The following FHIT variants were observed in gnomAD, a reference collection of about 807,000 sequenced individuals.
FHIT encodes fragile histidine triad diadenosine triphosphatase.
Under a neutral mutation model 17.9 loss-of-function variants are expected in FHIT, and 19 were observed. The ratio of observed to expected loss-of-function variants is 1.06; its 90% CI spans 0.74 to 1.56. FHIT has a LOEUF of 1.56. Ranked by LOEUF, FHIT falls within the 40% of genes most tolerant of loss-of-function variation. The pLI, the probability that FHIT is intolerant of heterozygous loss-of-function variation, is 0.00. For missense variants in FHIT, 248 were observed against 189.2 expected (o/e 1.31, Z -1.82); for synonymous variants, 81 against 69.7 (o/e 1.16, Z -0.81).
At chr3:61,220,744 T>C (rs1417049353) in intron 1 of FHIT, among the ~76,000 whole-genome samples, 1 of 152,220 alleles carries the variant, frequency 6.6e-6, no homozygotes, top group Non-Finnish European at 1.5e-5. Context: ...GTTTTCACTA[T>C]TACTAGGAAT....
rs569884037 is a variant in FHIT at position 60,904,439 on chromosome 3, A to G, written c.-110-82428T>C. Among the ~76,000 whole-genome samples the G allele has an allele frequency of 7.2e-5, 11 of 151,794 alleles. No individual in the cohort carries two copies. The East Asian group carries it at 2.1e-3, about 29-fold the overall frequency. On this transcript the variant is annotated intron_variant, in intron 3 of 9. Transcript: ENST00000492590. ...CATGAGAGAATTTCTGTACAACTAG[A>G]TGTGGGGAAAGCCTTTCTAACTATA...
chr3:60,831,439 T>A (rs1428839394), intron 3 of FHIT, among the ~76,000 whole-genome samples: 1 of 152,164 alleles, frequency 6.6e-6, no homozygotes, highest in Non-Finnish European at 1.5e-5. Context: ...GAAAATGTTC[T>A]TCTAAAATCT....
At chr3:60,943,406 T>C (rs1708502939) in intron 3 of FHIT, among the ~76,000 whole-genome samples, 1 of 152,176 alleles carries the variant, frequency 6.6e-6, no homozygotes, top group Middle Eastern at 3.2e-3. Flanking sequence ...TTTTGTCCGA[T>C]ATTAATAGTG....
At chr3:60,491,348 T>C (rs545625929) in intron 5 of FHIT, among the ~76,000 whole-genome samples, 1 of 151,812 alleles carries the variant, frequency 6.6e-6, no homozygotes, top group South Asian at 2.1e-4. Context: ...ATAATAGAAA[T>C]GCTGACACAA....
intron 8 of FHIT, among the ~76,000 whole-genome samples, chr3:59,847,900 T>C (rs1301714814): frequency 6.6e-6 from 1 of 152,166 alleles, no homozygotes; most frequent in Non-Finnish European, 1.5e-5. Context: ...TTGAATGTCC[T>C]AGTTTTCAAT....
chr3:60,109,621 T>G, intron 5 of FHIT, among the ~76,000 whole-genome samples: 1 of 152,000 alleles, frequency 6.6e-6, no homozygotes, highest in East Asian at 1.9e-4. Flanking sequence ...CAGAAGCAAG[T>G]GGTTAATGGT....
intron 3 of FHIT, among the ~76,000 whole-genome samples, chr3:60,943,926 C>T (rs1708526898): frequency 6.6e-6 from 1 of 152,148 alleles, no homozygotes; most frequent in Non-Finnish European, 1.5e-5. Context: ...CATCTACCTC[C>T]AATGTTGCTG....
chr3:60,648,114 C>T (rs9837947), intron 4 of FHIT, among the ~76,000 whole-genome samples: 21 of 151,916 alleles, frequency 1.4e-4, no homozygotes, highest in Middle Eastern at 3.4e-3. Context: ...ATAGATGGGA[C>T]GACAATGGGG....
At chr3:60,986,903 T>C (rs1427399976) in intron 3 of FHIT, among the ~76,000 whole-genome samples, 2 of 152,216 alleles carry the variant, frequency 1.3e-5, no homozygotes, top group Non-Finnish European at 2.9e-5. Flanking sequence ...GCTTTACATG[T>C]AGCATACATA....
At chr3:59,912,456 CAT>C in intron 8 of FHIT, among the ~76,000 whole-genome samples, 1 of 152,208 alleles carries the variant, frequency 6.6e-6, no homozygotes, top group South Asian at 2.1e-4. Context: ...GCTGAAATTT[CAT>C]ATATAGATTT....
intron 7 of FHIT, among the ~76,000 whole-genome samples, chr3:59,997,683 C>A (rs1402126046): frequency 6.6e-6 from 1 of 152,144 alleles, no homozygotes; most frequent in African/African-American, 2.4e-5. Context: ...CAACTTATCA[C>A]AAATTACATG....
At chr3:60,514,759 G>C (rs2035086476) in intron 5 of FHIT, among the ~76,000 whole-genome samples, 2 of 152,090 alleles carry the variant, frequency 1.3e-5, no homozygotes, top group Non-Finnish European at 2.9e-5. Flanking sequence ...AGACAACCTA[G>C]AAGTCTCTGA....
chr3:60,922,094 G>A (rs1707316807), intron 3 of FHIT, among the ~76,000 whole-genome samples: 1 of 152,188 alleles, frequency 6.6e-6, no homozygotes, highest in Non-Finnish European at 1.5e-5. Context: ...GTCTAGAAAG[G>A]TGGATCTCTC....
At chr3:60,274,473 A>T (rs1464679760) in intron 5 of FHIT, among the ~76,000 whole-genome samples, 4 of 152,194 alleles carry the variant, frequency 2.6e-5, no homozygotes, top group African/African-American at 9.6e-5. Context: ...AATGATCCAC[A>T]CTTACTACAT....
intron 3 of FHIT, among the ~76,000 whole-genome samples, chr3:60,847,534 T>A (rs35795196): frequency 1.3e-5 from 2 of 151,988 alleles, no homozygotes; most frequent in Non-Finnish European, 2.9e-5. Context: ...GGAGATCCCC[T>A]TTTCCAAAAA....
At chr3:60,744,139 G>C (rs924667349) in intron 4 of FHIT, among the ~76,000 whole-genome samples, 6 of 151,550 alleles carry the variant, frequency 4.0e-5, no homozygotes, top group Non-Finnish European at 7.4e-5. Context: ...CTATTTCAAT[G>C]CCTGGTAAAG....
chr3:60,249,826 T>C (rs1705602728), intron 5 of FHIT, among the ~76,000 whole-genome samples: 1 of 152,048 alleles, frequency 6.6e-6, no homozygotes, highest in South Asian at 2.1e-4. Context: ...AGAGATTTAG[T>C]GGACTCACAG....
chr3:60,947,360 G>A (rs1407897282), intron 3 of FHIT, among the ~76,000 whole-genome samples: 2 of 152,122 alleles, frequency 1.3e-5, no homozygotes, highest in Non-Finnish European at 2.9e-5. Context: ...AATAGACTAT[G>A]ACTATCGCGT....
At chr3:60,729,246 T>G (rs1327175506) in intron 4 of FHIT, among the ~76,000 whole-genome samples, 1 of 152,336 alleles carries the variant, frequency 6.6e-6, no homozygotes, top group East Asian at 1.9e-4. Context: ...GCATACTTCC[T>G]ACATTCCAAG....
Sources: gnomAD v4.1 joint callset for allele counts (sites outside exome capture counted in the v4.1 genomes callset) on GRCh38, gnomAD v4.1.1 for gene constraint, MANE v1.5 for transcripts, NCBI Gene and HGNC (gene_info 2026-07-23, HGNC 2026-07-21) for gene names.